PREX2: variants seen among roughly 807,000 people sequenced by gnomAD.
PREX2 encodes phosphatidylinositol-3,4,5-trisphosphate dependent Rac exchange factor 2.
A neutral mutation model predicts 203.2 loss-of-function variants in PREX2; 107 were observed. That is an observed-to-expected ratio of 0.53 (90% CI 0.45 to 0.62). PREX2 has a LOEUF of 0.62. Ranked by LOEUF, PREX2 falls within the 20% of genes least tolerant of loss-of-function variation. The probability of loss-of-function intolerance (pLI) is 0.00; values close to 1 mark genes in which losing one functional copy is unlikely to be tolerated. For synonymous variants in PREX2, 672 were observed against 663.6 expected (o/e 1.01, Z -0.19); for missense variants, 1,777 against 1,955.9 (o/e 0.91, Z 1.72).
chr8:67,972,835 T>C (rs999871218), intron 1 of PREX2, among the ~76,000 whole-genome samples: 8 of 152,206 alleles, frequency 5.3e-5, no homozygotes, highest in African/African-American at 1.9e-4. Context: ...CCAGTGAAGA[T>C]TTTGAATCCC....
intron 7 of PREX2, among the ~76,000 whole-genome samples, chr8:68,039,166 T>C (rs1451667630): frequency 1.3e-5 from 2 of 152,126 alleles, no homozygotes; most frequent in Non-Finnish European, 2.9e-5. Context: ...GAGTTTTATG[T>C]TGTCACTTTT....
At chr8:68,215,501 G>A (rs1438402385) in intron 37 of PREX2, among the ~76,000 whole-genome samples, 1 of 151,842 alleles carries the variant, frequency 6.6e-6, no homozygotes, top group Non-Finnish European at 1.5e-5. Context: ...GGTCTGTTGA[G>A]TAAGCTGGCA....
At chr8:68,027,389 TA>T (rs1386850075) in intron 5 of PREX2, 66 bp downstream of exon 5, 3 of 1,031,596 alleles carry the variant, frequency 2.9e-6, no homozygotes, top group East Asian at 2.4e-5. Flanking sequence ...ATGATCTTTT[TA>T]AAAAATTATT....
At chr8:67,963,236 C>CTGG (rs1805679256) in intron 1 of PREX2, among the ~76,000 whole-genome samples, 1 of 152,038 alleles carries the variant, frequency 6.6e-6, no homozygotes, top group African/African-American at 2.4e-5. Flanking sequence ...TTCTCCCTGG[C>CTGG]TGGTATGAGG....
intron 6 of PREX2, among the ~76,000 whole-genome samples, chr8:68,033,132 A>C (rs1807936654): frequency 6.6e-6 from 1 of 152,160 alleles, no homozygotes. Flanking sequence ...CTTAAGCACA[A>C]TGTGCCTATC....
chr8:68,045,507 C>T (rs1563515789), intron 8 of PREX2, among the ~76,000 whole-genome samples: 1 of 152,062 alleles, frequency 6.6e-6, no homozygotes, highest in Non-Finnish European at 1.5e-5. Context: ...CAAATGCTCA[C>T]CTGTAGGCAA....
intron 18 of PREX2, 25 bp from the exon 19 acceptor site, chr8:68,087,698 CT>C: frequency 6.5e-7 from 1 of 1,549,646 alleles, no homozygotes; most frequent in Non-Finnish European, 8.9e-7. Flanking sequence ...TACGCTTCAT[CT>C]TACCTTATTT....
At chr8:68,204,673 TCTTTC>T (rs1812575197) in intron 37 of PREX2, among the ~76,000 whole-genome samples, 1 of 141,172 alleles carries the variant, frequency 7.1e-6, no homozygotes, top group Non-Finnish European at 1.5e-5. Context: ...TTTTCTTTCT[TCTTTC>T]TTTTTTTTTT....
At chr8:68,218,731 A>G (rs1196566559) in intron 38 of PREX2, among the ~76,000 whole-genome samples, 1 of 152,230 alleles carries the variant, frequency 6.6e-6, no homozygotes. Context: ...GAAGAGGCCA[A>G]CATCAAGCTG....
chr8:68,080,396 C>A, intron 15 of PREX2, 47 bp from the exon 16 acceptor site: 1 of 1,575,154 alleles, frequency 6.3e-7, no homozygotes, highest in Non-Finnish European at 8.7e-7. Flanking sequence ...AAAATGAGTG[C>A]GATTTTTGAA....
At chr8:68,134,397 A>G in intron 32 of PREX2, 121 bp downstream of exon 32, 1 of 722,406 alleles carries the variant, frequency 1.4e-6, no homozygotes, top group Non-Finnish European at 2.3e-6. Context: ...GCGTGCATTC[A>G]GCTACTTTAA....
At chr8:68,117,012 C>T (rs1810672961) in intron 26 of PREX2, among the ~76,000 whole-genome samples, 1 of 152,146 alleles carries the variant, frequency 6.6e-6, no homozygotes, top group African/African-American at 2.4e-5. Flanking sequence ...ACAACTTCAA[C>T]ATATTTTTCA....
intron 1 of PREX2, among the ~76,000 whole-genome samples, chr8:68,017,322 T>C (rs918180292): frequency 1.3e-5 from 2 of 152,160 alleles, no homozygotes; most frequent in African/African-American, 4.8e-5. Context: ...AGGAAATTCT[T>C]TCATTCCTTC....
At chr8:68,229,653 A>T (rs1489176361) in intron 39 of PREX2, among the ~76,000 whole-genome samples, 4 of 152,160 alleles carry the variant, frequency 2.6e-5, no homozygotes, top group African/African-American at 9.7e-5. Flanking sequence ...TCGTCTACCC[A>T]GTGCTATTAG....
chr8:68,063,565 A>C (rs1808925955), intron 11 of PREX2, among the ~76,000 whole-genome samples: 1 of 152,136 alleles, frequency 6.6e-6, no homozygotes, highest in Non-Finnish European at 1.5e-5. Context: ...TCTACAACAC[A>C]AGTCACTATA....
At chr8:68,087,988 C>G (rs1235568449) in intron 19 of PREX2, among the ~76,000 whole-genome samples, 179 bp downstream of exon 19, 1 of 152,024 alleles carries the variant, frequency 6.6e-6, no homozygotes, top group Non-Finnish European at 1.5e-5. Context: ...AAATTCTAAG[C>G]CATATTTATC....
intron 37 of PREX2, among the ~76,000 whole-genome samples, chr8:68,212,105 AC>A (rs1812752434): frequency 6.6e-6 from 1 of 151,960 alleles, no homozygotes; most frequent in Admixed American, 6.6e-5. Flanking sequence ...CTGTTTCTCC[AC>A]CCTCATCTCC....
At chr8:68,005,010 T>C (rs1305319002) in intron 1 of PREX2, among the ~76,000 whole-genome samples, 2 of 152,236 alleles carry the variant, frequency 1.3e-5, no homozygotes, top group African/African-American at 2.4e-5. Context: ...AAGAATTCTT[T>C]GGATAAGAGG....
At chr8:68,120,395 T>A in intron 29 of PREX2, 109 bp downstream of exon 29, 1 of 708,846 alleles carries the variant, frequency 1.4e-6, no homozygotes. Flanking sequence ...CAGTTACTCA[T>A]GTTTCATAAT....
Sources: allele counts gnomAD v4.1 joint callset (sites outside exome capture counted in the v4.1 genomes callset), GRCh38; gene constraint gnomAD v4.1.1; transcripts MANE v1.5; gene names NCBI Gene and HGNC (gene_info 2026-07-23, HGNC 2026-07-21).